TLK1: variants seen among roughly 807,000 people sequenced by gnomAD.
The protein encoded by TLK1 is serine/threonine-protein kinase tousled-like 1.
In TLK1, 24 loss-of-function variants were observed where a neutral mutation model predicts 105.3. The ratio of observed to expected loss-of-function variants is 0.23; its 90% CI spans 0.17 to 0.32. The LOEUF (loss-of-function observed/expected upper bound fraction) is 0.32. TLK1 is among the 10% of genes least tolerant of loss of function. The probability of loss-of-function intolerance (pLI) is 1.00; values close to 1 mark genes in which losing one functional copy is unlikely to be tolerated. For missense variants in TLK1, 558 were observed against 910.5 expected, an observed-to-expected ratio of 0.61 and a Z score of 4.98; for synonymous variants, 321 against 310.4, an observed-to-expected ratio of 1.03 and a Z score of -0.36.
In TLK1 at chr2:171,194,797, AC is replaced by A. The variant is rs1693233060; in HGVS notation, c.-6+36347del. Among the ~76,000 whole-genome samples, 3 of 146,464 alleles carry A rather than the reference AC, an allele frequency of 2.0e-5. No individual in the cohort carries two copies. In the South Asian group the frequency reaches 6.4e-4, roughly 31 times the overall value. On this transcript the variant is annotated intron_variant, in intron 1 of 20. Transcript: ENST00000521943. ...GCGCCACTGCACTCCAGCCTGGGCG[AC>A]AGAGCGAGACTCCGTCTCAGGGAAA... is the stretch of plus-strand genomic sequence containing the variant.
chr2:171,050,103 A>C lies in TLK1; in HGVS notation c.804T>G (p.Asn268Lys), dbSNP rs1687164949. 1 of 1,600,870 alleles carries C rather than the reference A, an allele frequency of 6.2e-7. No individual in the cohort carries two copies. Among genetic ancestry groups the C allele is most frequent in the Non-Finnish European group, 8.5e-7 (1 of 1,171,706 alleles). Residue 268 changes from asparagine to lysine, a missense_variant, in exon 9 of 21, where the codon AAT (asparagine) becomes AAG (lysine). By Grantham distance (94) the Asn-to-Lys change is moderately conservative. Around this residue, in one of 5 missense-constraint regions of TLK1, gnomAD observed 196 missense variants for 239.3 expected, o/e 0.82. Transcript: ENST00000431350. ...KLLEKYKERL[N>K]KCISMSKKLL... ...GTTTCTTGCTCATTGATATGCACTT[A>C]TTTAATCGTTCTTTGTATTTTTCAA...
At chr2:171,172,335 CT>C (rs1692745735) in intron 1 of TLK1, among the ~76,000 whole-genome samples, 1 of 152,168 alleles carries the variant, frequency 6.6e-6, no homozygotes, top group South Asian at 2.1e-4. Flanking sequence ...AGTACGTTTA[CT>C]TTGTGGAAAT....
At chr2:171,127,684 T>C (rs1690926945) in intron 1 of TLK1, among the ~76,000 whole-genome samples, 1 of 152,112 alleles carries the variant, frequency 6.6e-6, no homozygotes, top group South Asian at 2.1e-4. Flanking sequence ...TATATAGATA[T>C]ATATCTAATT....
At position 171,082,328 on chromosome 2, in the gene TLK1, G is replaced by A. The variant is rs900699659; in HGVS notation, c.330+453C>T. ...GAATTCTTCAGATTTTTTAAAATAC[G>A]AAAAATGAAAACCAGCAGCATGATT... On this transcript the variant is annotated intron_variant, in intron 3 of 20. Coordinates refer to ENST00000431350, the MANE Select transcript of TLK1 (RefSeq NM_012290.5). Among the ~76,000 whole-genome samples the A allele has an allele frequency of 5.3e-5, 8 of 151,342 alleles. No homozygotes were observed. In the East Asian group the frequency reaches 9.7e-4, roughly 18 times the overall value.
intron 1 of TLK1, among the ~76,000 whole-genome samples, chr2:171,185,157 A>G (rs1347032519): frequency 1.3e-5 from 2 of 151,958 alleles, no homozygotes; most frequent in Non-Finnish European, 2.9e-5. Context: ...TGTTTTAATC[A>G]CTGTTACTTT....
intron 1 of TLK1, among the ~76,000 whole-genome samples, chr2:171,206,471 A>G (rs765533352): frequency 5.3e-5 from 8 of 152,188 alleles, no homozygotes; most frequent in African/African-American, 1.2e-4. Flanking sequence ...GCTGGGCAAT[A>G]CAATCTCTAC....
At chr2:171,128,255 T>C (rs2105550752) in intron 1 of TLK1, among the ~76,000 whole-genome samples, 1 of 152,306 alleles carries the variant, frequency 6.6e-6, no homozygotes, top group African/African-American at 2.4e-5. Context: ...AATTTAAATT[T>C]CAATTTTATT....
chr2:171,031,039 G>C (rs1686019561), intron 11 of TLK1, among the ~76,000 whole-genome samples: 1 of 150,730 alleles, frequency 6.6e-6, no homozygotes, highest in Admixed American at 6.6e-5. Context: ...AAAATCTGAA[G>C]GAAGTTATAA....
chr2:171,147,020 C>T (rs928724424), intron 1 of TLK1, among the ~76,000 whole-genome samples: 1 of 152,170 alleles, frequency 6.6e-6, no homozygotes, highest in Non-Finnish European at 1.5e-5. Context: ...ATGAATATAA[C>T]ACCTTGATAT....
intron 12 of TLK1, among the ~76,000 whole-genome samples, chr2:171,027,512 CATT>C (rs1016872848): frequency 6.6e-6 from 1 of 152,160 alleles, no homozygotes; most frequent in Non-Finnish European, 1.5e-5. Context: ...CACATAGCAA[CATT>C]TTTTCTCAGT....
intron 1 of TLK1, among the ~76,000 whole-genome samples, chr2:171,129,856 A>ATAACATAACG (rs1691026060): frequency 6.6e-6 from 1 of 151,878 alleles, no homozygotes; most frequent in Non-Finnish European, 1.5e-5. Flanking sequence ...ATAACATAAC[A>ATAACATAACG]TAACATAACA....
chr2:171,057,633 T>G lies in TLK1; in HGVS notation c.453+518A>C, dbSNP rs1294147773. ...TGCTCTCTCAAGTAAACATAAATAT[T>G]TTTCAATTGAGTAGACCATGTTTGT... On this transcript the variant is annotated intron_variant, in intron 5 of 20. Transcript: ENST00000431350. Among the ~76,000 whole-genome samples, 3 of 152,090 alleles carry G rather than the reference T, an allele frequency of 2.0e-5. No individual in the cohort carries two copies. The East Asian group carries it at 5.8e-4, about 29-fold the overall frequency.
intron 11 of TLK1, among the ~76,000 whole-genome samples, chr2:171,031,169 G>T (rs776714017): frequency 2.0e-5 from 3 of 152,112 alleles, no homozygotes; most frequent in Non-Finnish European, 4.4e-5. Context: ...TGACAAAAGA[G>T]CCATTTCTTA....
chr2:171,100,313 G>C (rs981932874), intron 2 of TLK1, among the ~76,000 whole-genome samples: 2 of 152,120 alleles, frequency 1.3e-5, no homozygotes, highest in Non-Finnish European at 2.9e-5. Flanking sequence ...GGGAAGTAAG[G>C]TCTAGTGAAA....
intron 14 of TLK1, among the ~76,000 whole-genome samples, 188 bp downstream of exon 14, chr2:171,011,185 G>A (rs1286961711): frequency 6.6e-6 from 1 of 151,716 alleles, no homozygotes; most frequent in Non-Finnish European, 1.5e-5. Flanking sequence ...TTTTTAAGTA[G>A]AGACAAGGTC....
chr2:171,071,123 A>G (rs1688234137), intron 3 of TLK1, among the ~76,000 whole-genome samples: 1 of 152,136 alleles, frequency 6.6e-6, no homozygotes, highest in Non-Finnish European at 1.5e-5. Context: ...TTGGATTATC[A>G]TATGTTTTCC....
intron 11 of TLK1, among the ~76,000 whole-genome samples, chr2:171,029,321 A>G (rs1410565607): frequency 6.6e-6 from 1 of 152,170 alleles, no homozygotes; most frequent in Non-Finnish European, 1.5e-5. Context: ...AAAAAATGCT[A>G]AAACTTTAGT....
rs140753684 is a variant in TLK1, at chr2:171,146,724, T to C, written c.139+13566A>G. ...CAGCAGTTAAACTGGAGGAAAACTG[T>C]GTAACTCCCTTCTGTAGGGAGTACT... On this transcript the variant is annotated intron_variant, in intron 1 of 20. Transcript: ENST00000431350. Among the ~76,000 whole-genome samples the C allele has an allele frequency of 4.1e-3, 624 of 152,346 alleles. 6 individuals are homozygous for C. The highest frequency in any genetic ancestry group is 0.014 in the Middle Eastern group (4 of 294).
At chr2:171,105,798 T>C (rs1315408463) in intron 2 of TLK1, among the ~76,000 whole-genome samples, 1 of 151,976 alleles carries the variant, frequency 6.6e-6, no homozygotes, top group African/African-American at 2.4e-5. Context: ...GAAAAAAATA[T>C]GGAGGCTCCT....
Sources: allele counts gnomAD v4.1 joint callset (sites outside exome capture counted in the v4.1 genomes callset), GRCh38; gene constraint gnomAD v4.1.1; regional missense constraint gnomAD v4.1.1; transcripts MANE v1.5; gene names NCBI Gene and HGNC (gene_info 2026-07-23, HGNC 2026-07-21).